The following MRPL51 variants were observed in gnomAD, a reference collection of about 807,000 sequenced individuals.
MRPL51 encodes mitochondrial ribosomal protein L51, also known as large ribosomal subunit protein mL51.
MRPL51 carries 6 observed loss-of-function variants against 15.0 expected under a neutral mutation model. The observed-to-expected ratio is 0.40, with a 90% CI of 0.22 to 0.79. MRPL51 has a LOEUF of 0.79. Among genes scored for constraint, MRPL51 ranks in the 30% least tolerant of loss-of-function variants. The probability of loss-of-function intolerance (pLI) is 0.36; values close to 1 mark genes in which losing one functional copy is unlikely to be tolerated. For synonymous variants in MRPL51, 65 were observed against 58.3 expected (o/e 1.11, Z -0.52); for missense variants, 155 against 166.4 (o/e 0.93, Z 0.38).
Position 6,492,992 on chromosome 12 carries a change from G to T in MRPL51, c.80-20C>A, listed in dbSNP as rs1342665138. On this transcript the variant is annotated intron_variant, in intron 1 of 2. Coordinates refer to ENST00000229238, the MANE Select transcript of MRPL51 (RefSeq NM_016497.4). ...GCACACCTGGGGATGGGGAAGGGAG[G>T]GAATTAATCTGAGCCGCCTATTATA... is the stretch of plus-strand genomic sequence containing the variant. 5 of 1,613,300 alleles carry T rather than the reference G, an allele frequency of 3.1e-6. No homozygotes were observed. The highest frequency in any genetic ancestry group is 1.3e-5 in the African/African-American group (1 of 74,860).
Position 6,491,969 on chromosome 12 carries a change from A to G in MRPL51, c.*302T>C. 3.7e-6 allele frequency: 1 copy of G among 267,608 alleles called. No individual in the cohort carries two copies. Among genetic ancestry groups the G allele is most frequent in the East Asian group, 7.5e-5 (1 of 13,360 alleles). 16.6% of individuals were successfully genotyped at this position (267,608 alleles called of 1,614,324 possible). On this transcript the variant is annotated 3_prime_UTR_variant, in exon 3 of 3. Transcript: ENST00000229238. ...ATTAACATAACAGCATTATGTCAAAAAGCGCCAATAACATTCTCACCAACT... is the reference window on the plus strand; with the variant it reads ...ATTAACATAACAGCATTATGTCAAAGAGCGCCAATAACATTCTCACCAACT...
chr12:6,493,226 C>G lies in MRPL51; in HGVS notation c.-90G>C, dbSNP rs1945939783. ...CGCCAACTTCACACGAGTACTAAGG[C>G]GAAGACAGCCATCTTGGGCCTTACC... is the stretch of plus-strand genomic sequence containing the variant. On this transcript the variant is annotated 5_prime_UTR_variant, in exon 1 of 3. Transcript: ENST00000229238. 7.1e-7 allele frequency: 1 copy of G among 1,399,904 alleles called. No individual in the cohort carries two copies. The highest frequency in any genetic ancestry group is 9.9e-7 in the Non-Finnish European group (1 of 1,010,242). 86.7% of individuals were successfully genotyped at this position (1,399,904 alleles called of 1,614,324 possible).
At chr12:6,492,558 G>A (rs1221213998) in intron 2 of MRPL51, 91 bp from the exon 3 acceptor site, 5 of 1,299,770 alleles carry the variant, frequency 3.8e-6, no homozygotes, top group East Asian at 2.3e-5. Context: ...ATCTTGCTGA[G>A]CAGCACCTAT....
Position 6,492,119 on chromosome 12 carries a change from T to G in MRPL51, c.*152A>C. ...AGTCTACATGAGTAGAGGCAGCATC[T>G]AGAGGAAAACAAAAGTATGTGGCTA... On this transcript the variant is annotated 3_prime_UTR_variant, in exon 3 of 3. Transcript: ENST00000229238. 1 of 747,382 alleles carries G rather than the reference T, an allele frequency of 1.3e-6. No homozygotes were observed. The highest frequency in any genetic ancestry group is 3.2e-5 in the Admixed American group (1 of 30,882). 46.3% of individuals were successfully genotyped at this position (747,382 alleles called of 1,614,324 possible).
In MRPL51 at chr12:6,492,362, C is replaced by T; in HGVS notation, c.296G>A (p.Gly99Glu). 2 of 1,614,212 alleles carry T rather than the reference C, an allele frequency of 1.2e-6. No individual in the cohort carries two copies. The highest frequency in any genetic ancestry group is 2.2e-5 in the South Asian group (2 of 91,076). ...QRCIRKRKMV[G>E]SRMFADDLHN... ...CAGGTCATCAGCGAACATTCTACTT[C>T]CAACCATTTTCCTCTTTCGGATACA... Residue 99 changes from glycine to glutamate, a missense_variant, in exon 3 of 3, where the codon GGA (glycine) becomes GAA (glutamate). Gly to Glu is a moderately conservative substitution (Grantham distance 98). Coordinates refer to ENST00000229238, the MANE Select transcript of MRPL51 (RefSeq NM_016497.4).
Position 6,493,249 on chromosome 12 carries a change from A to T in MRPL51, c.-113T>A, listed in dbSNP as rs1399705311. The T allele has an allele frequency of 2.4e-5, 29 of 1,185,096 alleles. No homozygotes were observed. The East Asian group carries it at 6.1e-4, about 25-fold the overall frequency. The allele number at this position is 1,185,096 out of a possible 1,614,324, so 73.4% of individuals were successfully genotyped here. On this transcript the variant is annotated 5_prime_UTR_variant, in exon 1 of 3. Transcript: ENST00000229238. Reference sequence around the variant, plus strand: ...GGCGAAGACAGCCATCTTGGGCCTTACCCAGGCAGCTGTGGGCGCACCGCC... The same window carrying T: ...GGCGAAGACAGCCATCTTGGGCCTTTCCCAGGCAGCTGTGGGCGCACCGCC...
At position 6,493,218 on chromosome 12, in the gene MRPL51, T is replaced by C; in HGVS notation, c.-82A>G. 1.3e-6 allele frequency: 2 copies of C among 1,481,526 alleles called. No homozygotes were observed. The highest frequency in any genetic ancestry group is 2.3e-5 in the East Asian group (1 of 43,194). 91.8% of individuals were successfully genotyped at this position (1,481,526 alleles called of 1,614,324 possible). A position where few individuals can be genotyped will look rare whatever the true frequency, so the allele number is the denominator to read the frequency against. Reference sequence around the variant, plus strand: ...ACCGTCCCCGCCAACTTCACACGAGTACTAAGGCGAAGACAGCCATCTTGG... The same window carrying C: ...ACCGTCCCCGCCAACTTCACACGAGCACTAAGGCGAAGACAGCCATCTTGG... On this transcript the variant is annotated 5_prime_UTR_variant, in exon 1 of 3. Coordinates refer to ENST00000229238, the MANE Select transcript of MRPL51 (RefSeq NM_016497.4).
At chr12:6,492,599 G>C in intron 2 of MRPL51, 132 bp from the exon 3 acceptor site, 4 of 970,884 alleles carry the variant, frequency 4.1e-6, no homozygotes, top group Non-Finnish European at 6.2e-6. Flanking sequence ...CAGAACAATA[G>C]CACAGACTCT....
At position 6,492,426 on chromosome 12, in the gene MRPL51, T is replaced by TG. The variant is rs748824105; in HGVS notation, c.231dup (p.Ile78HisfsTer10). The TG allele has an allele frequency of 6.2e-7, 1 of 1,613,360 alleles. No individual in the cohort carries two copies. Among genetic ancestry groups the TG allele is most frequent in the African/African-American group, 1.3e-5 (1 of 74,880 alleles). On this transcript the variant is annotated frameshift_variant, in exon 3 of 3. Transcript: ENST00000229238. LOFTEE classifies it high-confidence loss of function. ...TTCCCTTTCCAACCTCGAAGCCATA[T>TG]GGGCCCCCTGATCAGTTCTTTGGGG...
chr12:6,493,238 T>A lies in MRPL51; in HGVS notation c.-102A>T. On this transcript the variant is annotated 5_prime_UTR_variant, in exon 1 of 3. The change abolishes an upstream ATG in the 5' untranslated region. Transcript: ENST00000229238. ...ACGAGTACTAAGGCGAAGACAGCCA[T>A]CTTGGGCCTTACCCAGGCAGCTGTG... The A allele has an allele frequency of 7.8e-7, 1 of 1,286,498 alleles. No individual in the cohort carries two copies. Among genetic ancestry groups the A allele is most frequent in the Non-Finnish European group, 1.1e-6 (1 of 920,720 alleles). The allele number at this position is 1,286,498 out of a possible 1,614,324, so 79.7% of individuals were successfully genotyped here. A position where few individuals can be genotyped will look rare whatever the true frequency, so the allele number is the denominator to read the frequency against.
chr12:6,492,775 A>G, intron 2 of MRPL51, 87 bp downstream of exon 2: 1 of 1,316,824 alleles, frequency 7.6e-7, no homozygotes, highest in Middle Eastern at 1.8e-4. Flanking sequence ...TGAGCACAGT[A>G]CCACTCTCTA....
Position 6,492,380 on chromosome 12 carries a change from C to T in MRPL51, c.278G>A (p.Arg93Gln), listed in dbSNP as rs1945929490. 5.6e-6 allele frequency: 9 copies of T among 1,614,044 alleles called. No individual in the cohort carries two copies. The highest frequency in any genetic ancestry group is 3.4e-6 in the Non-Finnish European group (4 of 1,180,054). The change falls in exon 3 of 3, where the codon CGA (arginine) becomes CAA (glutamine). Residue 93 changes from arginine (R) to glutamine (Q), a missense_variant. Arg to Gln is a conservative substitution (Grantham distance 43, BLOSUM62 1). Transcript: ENST00000229238. Reference protein sequence around the residue: ...WKGNELQRCIRKRKMVGSRMF... With the variant: ...WKGNELQRCIQKRKMVGSRMF... ...TCTACTTCCAACCATTTTCCTCTTT[C>T]GGATACAACGTTGCAATTCATTCCC...
chr12:6,493,165 A>G lies in MRPL51; in HGVS notation c.-29T>C. Reference sequence around the variant, plus strand: ...TCTAGTCTCCCCCCTTCAACAGCACACCAAATAAGCCCAAGAAGATGACAG... The same window carrying G: ...TCTAGTCTCCCCCCTTCAACAGCACGCCAAATAAGCCCAAGAAGATGACAG... On this transcript the variant is annotated 5_prime_UTR_variant, in exon 1 of 3. Coordinates refer to ENST00000229238, the MANE Select transcript of MRPL51 (RefSeq NM_016497.4). 1 of 1,610,368 alleles carries G rather than the reference A, an allele frequency of 6.2e-7. No homozygotes were observed. The highest frequency in any genetic ancestry group is 8.5e-7 in the Non-Finnish European group (1 of 1,178,642).
At position 6,493,097 on chromosome 12, in the gene MRPL51, A is replaced by C; in HGVS notation, c.40T>G (p.Trp14Gly). ...CTGCACGCCAGAGGCACCCAGTCCC[A>C]CAGGCGCCTACCTGCCCCGGATAAG... ...NLLSGAGRRL[W>G]DWVPLACRSF... The change falls in exon 1 of 3, where the codon TGG (tryptophan) becomes GGG (glycine). Residue 14 changes from tryptophan to glycine, a missense_variant. By Grantham distance (184) the Trp-to-Gly change is radical (BLOSUM62 -2). Transcript: ENST00000229238. The C allele has an allele frequency of 6.2e-7, 1 of 1,612,884 alleles. No homozygotes were observed. Among genetic ancestry groups the C allele is most frequent in the Non-Finnish European group, 8.5e-7 (1 of 1,180,004 alleles).
At chr12:6,492,732 G>T in intron 2 of MRPL51, 130 bp downstream of exon 2, 1 of 950,244 alleles carries the variant, frequency 1.1e-6, no homozygotes, top group Non-Finnish European at 1.6e-6. Flanking sequence ...CAAACACAAT[G>T]TAAACAGCTA....
At position 6,492,215 on chromosome 12, in the gene MRPL51, G is replaced by C. The variant is rs1945926637; in HGVS notation, c.*56C>G. The stretch of plus-strand genomic sequence containing the variant: ...CCGTTTCCTCACAGGGAAAAGTACA[G>C]TTTCCCTTCTCCAGGGTGACAGATG... On this transcript the variant is annotated 3_prime_UTR_variant, in exon 3 of 3. Transcript: ENST00000229238. The C allele has an allele frequency of 6.7e-7, 1 of 1,484,390 alleles. No homozygotes were observed. The highest frequency in any genetic ancestry group is 1.4e-5 in the African/African-American group (1 of 71,010). 92.0% of individuals were successfully genotyped at this position (1,484,390 alleles called of 1,614,324 possible). A position where few individuals can be genotyped will look rare whatever the true frequency, so the allele number is the denominator to read the frequency against.
Position 6,492,959 on chromosome 12 carries a change from C to A in MRPL51, c.93G>T (p.Leu31Phe), listed in dbSNP as rs753939070. The part of the protein sequence containing the change: ...CRSFSLGVPR[L>F]IGIRLTLPPP... ...GCGGGAGAGTGAGCCTTATACCGAT[C>A]AATCTAGGCACACCTGGGGATGGGG... Residue 31 changes from leucine (L) to phenylalanine (F), a missense_variant, in exon 2 of 3, where the codon TTG becomes TTT. Transcript: ENST00000229238. 5.0e-6 allele frequency: 8 copies of A among 1,613,868 alleles called. No individual in the cohort carries two copies. Among genetic ancestry groups the A allele is most frequent in the South Asian group, 1.1e-5 (1 of 91,072 alleles).
Position 6,491,993 on chromosome 12 carries a change from C to G in MRPL51, c.*278G>C, listed in dbSNP as rs1334040962. On this transcript the variant is annotated 3_prime_UTR_variant, in exon 3 of 3. Transcript: ENST00000229238. The stretch of plus-strand genomic sequence containing the variant: ...AAAGCGCCAATAACATTCTCACCAA[C>G]TTTTCTTTTTAAAGGAATTAGGTAT... The G allele has an allele frequency of 6.3e-6, 2 of 317,650 alleles. No homozygotes were observed. The highest frequency in any genetic ancestry group is 1.1e-5 in the Non-Finnish European group (2 of 174,050). 19.7% of individuals were successfully genotyped at this position (317,650 alleles called of 1,614,324 possible).
Position 6,492,040 on chromosome 12 carries a change from T to G in MRPL51, c.*231A>C. ...GTATAGCTAGACTGTAAAAGGCAAG[T>G]GGTGTGAAGCCCAAACCTAAGATCC... On this transcript the variant is annotated 3_prime_UTR_variant, in exon 3 of 3. Coordinates refer to ENST00000229238, the MANE Select transcript of MRPL51 (RefSeq NM_016497.4). The G allele has an allele frequency of 2.1e-6, 1 of 465,558 alleles. No individual in the cohort carries two copies. Among genetic ancestry groups the G allele is most frequent in the Non-Finnish European group, 3.8e-6 (1 of 265,746 alleles). 28.8% of individuals were successfully genotyped at this position (465,558 alleles called of 1,614,324 possible).
Sources: gnomAD v4.1 joint callset for allele counts on GRCh38, gnomAD v4.1.1 for gene constraint, MANE v1.5 for transcripts, NCBI Gene and HGNC (gene_info 2026-07-23, HGNC 2026-07-21) for gene names.